The following COG5 variants were observed in gnomAD, a reference collection of about 807,000 sequenced individuals.
The protein encoded by COG5 is component of oligomeric golgi complex 5.
A neutral mutation model predicts 110.4 loss-of-function variants in COG5; 86 were observed. That is an observed-to-expected ratio of 0.78 (90% CI 0.65 to 0.93). The LOEUF (loss-of-function observed/expected upper bound fraction) is 0.93. Among genes scored for constraint, COG5 ranks in the 40% least tolerant of loss-of-function variants. The pLI is 0.00. For missense variants in COG5, 1,077 were observed against 987.0 expected, an observed-to-expected ratio of 1.09 and a Z score of -1.22; for synonymous variants, 360 against 334.6, an observed-to-expected ratio of 1.08 and a Z score of -0.83.
chr7:107,327,409 T>C (rs1047503468), intron 10 of COG5, among the ~76,000 whole-genome samples: 8 of 151,974 alleles, frequency 5.3e-5, no homozygotes, highest in Admixed American at 6.6e-5. Flanking sequence ...TAGGACACCA[T>C]GAACACAGGC....
intron 2 of COG5, among the ~76,000 whole-genome samples, chr7:107,557,230 C>G (rs1456612323): frequency 6.6e-6 from 1 of 152,112 alleles, no homozygotes; most frequent in Non-Finnish European, 1.5e-5. Flanking sequence ...TCAGGTTATA[C>G]CAAATCTATG....
At chr7:107,239,942 C>A (rs1361494375) in intron 17 of COG5, among the ~76,000 whole-genome samples, 1 of 152,100 alleles carries the variant, frequency 6.6e-6, no homozygotes, top group Admixed American at 6.6e-5. Context: ...ATCTTCATGC[C>A]ACTAACCTTT....
chr7:107,361,996 A>G (rs1204502045), intron 10 of COG5, 37 bp downstream of exon 10: 6 of 1,392,566 alleles, frequency 4.3e-6, no homozygotes, highest in Non-Finnish European at 6.0e-6. Context: ...CCTGTTTTGT[A>G]CAAGAAAGAT....
chr7:107,351,730 T>C (rs1014074326), intron 10 of COG5, among the ~76,000 whole-genome samples: 5 of 151,898 alleles, frequency 3.3e-5, no homozygotes, highest in Admixed American at 3.3e-4. Context: ...TCACTGGTCA[T>C]CAGAGAAATG....
chr7:107,560,651 AAGATT>A (rs1391767086), intron 1 of COG5, among the ~76,000 whole-genome samples: 1 of 152,236 alleles, frequency 6.6e-6, no homozygotes, highest in Non-Finnish European at 1.5e-5. Context: ...ACCAGAGGAA[AAGATT>A]AGGAGAGAAG....
rs200144970 is a variant in COG5, at chr7:107,548,222, A to G, written c.348-42T>C. The stretch of plus-strand genomic sequence containing the variant: ...GAGTGAGAATAAAATCATTTTCAGA[A>G]TATCAATGGATAAAAACATTCCCAT... On this transcript the variant is annotated intron_variant, in intron 4 of 21. Transcript: ENST00000297135. The G allele has an allele frequency of 1.9e-6, 3 of 1,604,152 alleles. No individual in the cohort carries two copies. In the East Asian group the frequency reaches 6.7e-5, roughly 36 times the overall value.
At chr7:107,208,786 G>A in intron 21 of COG5, 1 of 985,514 alleles carries the variant, frequency 1.0e-6, no homozygotes, top group Non-Finnish European at 1.2e-6. Context: ...TGGCTCATGT[G>A]GGATGTGGGT....
chr7:107,465,524 C>T (rs1796245156), intron 6 of COG5, among the ~76,000 whole-genome samples: 1 of 152,060 alleles, frequency 6.6e-6, no homozygotes, highest in Non-Finnish European at 1.5e-5. Context: ...CATTTCTTTC[C>T]AAACTGATCT....
At chr7:107,458,379 T>C (rs958393840) in intron 6 of COG5, among the ~76,000 whole-genome samples, 4 of 152,016 alleles carry the variant, frequency 2.6e-5, no homozygotes, top group Non-Finnish European at 5.9e-5. Flanking sequence ...AAAACAAAAA[T>C]AGTGACACTG....
chr7:107,230,818 G>A (rs1163548974), intron 18 of COG5, 127 bp from the exon 19 acceptor site: 15 of 728,244 alleles, frequency 2.1e-5, no homozygotes, highest in Non-Finnish European at 3.2e-5. Flanking sequence ...AAGGCAAGTT[G>A]TGATGGCCAA....
Position 107,323,034 on chromosome 7 carries a change from G to A in COG5, c.1108+1406C>T, listed in dbSNP as rs775163678. On this transcript the variant is annotated intron_variant, in intron 11 of 21. Coordinates refer to ENST00000297135, the MANE Select transcript of COG5 (RefSeq NM_006348.5). Reference sequence around the variant, plus strand: ...TGCAAAAGTACATAAAGAAAATTTGGGGATGATGGAAATGTTCTATATCTT... The same window carrying A: ...TGCAAAAGTACATAAAGAAAATTTGAGGATGATGGAAATGTTCTATATCTT... Among the ~76,000 whole-genome samples, 81 of 152,064 alleles carry A rather than the reference G, an allele frequency of 5.3e-4. 1 individual carries two copies. Among genetic ancestry groups the A allele is most frequent in the Admixed American group, 3.3e-4 (5 of 15,262 alleles).
At chr7:107,365,346 T>C (rs1156688251) in intron 8 of COG5, among the ~76,000 whole-genome samples, 2 of 151,880 alleles carry the variant, frequency 1.3e-5, no homozygotes, top group Non-Finnish European at 2.9e-5. Context: ...AGATAGAAAA[T>C]GTCAATTTCA....
chr7:107,237,296 C>T (rs548348737), intron 17 of COG5, among the ~76,000 whole-genome samples: 46 of 152,262 alleles, frequency 3.0e-4, no homozygotes, highest in African/African-American at 1.1e-3. Context: ...ATGATACCAG[C>T]TGATGCTCCA....
At chr7:107,270,975 C>G (rs147183986) in intron 14 of COG5, among the ~76,000 whole-genome samples, 107 of 142,658 alleles carry the variant, frequency 7.5e-4, no homozygotes, top group Middle Eastern at 4.5e-3. Context: ...GTGATTCTCC[C>G]TCAGTTTGCT....
intron 12 of COG5, among the ~76,000 whole-genome samples, chr7:107,291,006 G>T (rs1366568326): frequency 2.0e-5 from 3 of 152,080 alleles, no homozygotes; most frequent in Non-Finnish European, 4.4e-5. Context: ...CCTGACTTTT[G>T]ACATTTTTAC....
At chr7:107,246,975 C>T (rs766461824) in intron 17 of COG5, among the ~76,000 whole-genome samples, 3 of 152,118 alleles carry the variant, frequency 2.0e-5, no homozygotes, top group African/African-American at 7.2e-5. Flanking sequence ...AACCTAAATG[C>T]CCATCAATGA....
intron 16 of COG5, among the ~76,000 whole-genome samples, chr7:107,251,076 C>G (rs1802466553): frequency 6.9e-6 from 1 of 144,994 alleles, no homozygotes; most frequent in Non-Finnish European, 1.5e-5. Context: ...AGAACTATGC[C>G]TAGGCACATC....
intron 5 of COG5, among the ~76,000 whole-genome samples, chr7:107,542,632 A>T (rs753923871): frequency 1.3e-5 from 2 of 152,198 alleles, no homozygotes; most frequent in African/African-American, 2.4e-5. Context: ...TTCCATAAGC[A>T]GAATATTCAT....
chr7:107,511,632 T>C (rs1799522108), intron 6 of COG5, among the ~76,000 whole-genome samples: 2 of 152,224 alleles, frequency 1.3e-5, no homozygotes, highest in African/African-American at 2.4e-5. Context: ...TGAACGCTGA[T>C]GCAAAAATCC....
Sources: allele counts gnomAD v4.1 joint callset (sites outside exome capture counted in the v4.1 genomes callset), GRCh38; gene constraint gnomAD v4.1.1; transcripts MANE v1.5; gene names NCBI Gene and HGNC (gene_info 2026-07-23, HGNC 2026-07-21).